Variants in ZDHHC3 observed in about 807,000 individuals in gnomAD.
The protein encoded by ZDHHC3 is palmitoyltransferase ZDHHC3.
A neutral mutation model predicts 30.6 loss-of-function variants in ZDHHC3; 9 were observed. That is an observed-to-expected ratio of 0.29 (90% CI 0.18 to 0.51). ZDHHC3 has a LOEUF of 0.51. Ranked by LOEUF, ZDHHC3 falls within the 20% of genes least tolerant of loss-of-function variation. ZDHHC3 has a pLI of 0.97. For missense variants in ZDHHC3, 246 were observed against 384.2 expected (o/e 0.64, Z 3.01); for synonymous variants, 136 against 140.2 (o/e 0.97, Z 0.21).
chr3:44,956,204 C>G (rs1348953139), intron 2 of ZDHHC3, among the ~76,000 whole-genome samples: 1 of 152,212 alleles, frequency 6.6e-6, no homozygotes, highest in Non-Finnish European at 1.5e-5. Context: ...TCCCCTCTCA[C>G]TGCCCAACAT....
intron 3 of ZDHHC3, among the ~76,000 whole-genome samples, chr3:44,940,717 T>C (rs1295919127): frequency 6.6e-6 from 1 of 152,202 alleles, no homozygotes; most frequent in Non-Finnish European, 1.5e-5. Context: ...TACCATTTTT[T>C]CAGGCCTCAA....
chr3:44,918,972 A>C lies in ZDHHC3; in HGVS notation c.*7717T>G. 1 of 985,586 alleles carries C rather than the reference A, an allele frequency of 1.0e-6. No homozygotes were observed. Among genetic ancestry groups the C allele is most frequent in the Non-Finnish European group, 1.2e-6 (1 of 830,060 alleles). 61.1% of individuals were successfully genotyped at this position (985,586 alleles called of 1,614,324 possible). The stretch of plus-strand genomic sequence containing the variant: ...CTTTCTCCATCTCTTCTGGAAGCCA[A>C]GGGAATTTGCTGTGGGTTTGCTGGG... On this transcript the variant is annotated 3_prime_UTR_variant, in exon 7 of 7. Coordinates refer to ENST00000424952, the MANE Select transcript of ZDHHC3 (RefSeq NM_001135179.2).
intron 1 of ZDHHC3, among the ~76,000 whole-genome samples, chr3:44,962,148 T>A (rs964747951): frequency 2.6e-5 from 4 of 151,930 alleles, no homozygotes; most frequent in Admixed American, 2.6e-4. Context: ...GTACACTCTA[T>A]CAAACTGTTT....
rs149975204 is a variant in ZDHHC3 at position 44,932,347 on chromosome 3, G to A, written c.610+771C>T. ...TTGTGGGAAGAAGTCAGCATGTATA[G>A]GAAGAGCAAAAGTTCTAAAGACAGT... On this transcript the variant is annotated intron_variant, in intron 5 of 6. Transcript: ENST00000424952. Among the ~76,000 whole-genome samples, 527 of 152,256 alleles carry A rather than the reference G, an allele frequency of 3.5e-3. 4 individuals carry two copies. Among genetic ancestry groups the A allele is most frequent in the Middle Eastern group, 0.01 (3 of 294 alleles).
chr3:44,972,441 C>T (rs1705480531), intron 1 of ZDHHC3, among the ~76,000 whole-genome samples: 2 of 152,242 alleles, frequency 1.3e-5, no homozygotes, highest in African/African-American at 2.4e-5. Flanking sequence ...CCAGCCTAGA[C>T]AACAGAGCAA....
At position 44,921,162 on chromosome 3, in the gene ZDHHC3, T is replaced by C. The variant is rs1231307681; in HGVS notation, c.*5527A>G. On this transcript the variant is annotated 3_prime_UTR_variant, in exon 7 of 7. Transcript: ENST00000424952. ...GGCCCAGGTCAGTCTGGGTGACACA[T>C]GAGCTGTGATCTGTGAACAAACTCA... is the stretch of plus-strand genomic sequence containing the variant. 2.0e-6 allele frequency: 2 copies of C among 985,008 alleles called. No homozygotes were observed. The allele number at this position is 985,008 out of a possible 1,614,324, so 61.0% of individuals were successfully genotyped here.
chr3:44,936,880 C>G (rs975992590), intron 3 of ZDHHC3, among the ~76,000 whole-genome samples: 4 of 149,506 alleles, frequency 2.7e-5, no homozygotes, highest in Non-Finnish European at 5.9e-5. Flanking sequence ...TTAAAACCCC[C>G]CCCCAAAACC....
chr3:44,933,785 C>T (rs1011510686), intron 4 of ZDHHC3, 103 bp downstream of exon 4: 3 of 1,037,104 alleles, frequency 2.9e-6, no homozygotes, highest in African/African-American at 3.1e-5. Flanking sequence ...CAGGGCCAGG[C>T]AGTATTCTGA....
intron 1 of ZDHHC3, among the ~76,000 whole-genome samples, chr3:44,961,526 C>T (rs1417204548): frequency 6.6e-6 from 1 of 152,144 alleles, no homozygotes; most frequent in Non-Finnish European, 1.5e-5. Context: ...CCAGAGACAA[C>T]CTAAATGCAT....
intron 2 of ZDHHC3, among the ~76,000 whole-genome samples, chr3:44,957,623 G>A (rs1029083333): frequency 3.9e-5 from 6 of 152,208 alleles, no homozygotes; most frequent in Admixed American, 1.3e-4. Context: ...GCATTCCTAC[G>A]TCTCTGTGCA....
chr3:44,934,341 C>T (rs1701757508), intron 3 of ZDHHC3, among the ~76,000 whole-genome samples: 1 of 151,808 alleles, frequency 6.6e-6, no homozygotes, highest in African/African-American at 2.4e-5. Context: ...AAAACTTGAC[C>T]AAGTGGGCTA....
intron 3 of ZDHHC3, among the ~76,000 whole-genome samples, chr3:44,944,885 C>G (rs1702777444): frequency 6.6e-6 from 1 of 152,192 alleles, no homozygotes; most frequent in Non-Finnish European, 1.5e-5. Flanking sequence ...TATATAAAAA[C>G]AAAGGCCCTG....
In ZDHHC3 at chr3:44,926,519, T is replaced by C; in HGVS notation, c.*170A>G. Reference sequence around the variant, plus strand: ...AAAGGATGGTTTTTAAAAAATAAAATGTGGGGACTTTTTTTTTTCTCTGCA... The same window carrying C: ...AAAGGATGGTTTTTAAAAAATAAAACGTGGGGACTTTTTTTTTTCTCTGCA... On this transcript the variant is annotated 3_prime_UTR_variant, in exon 7 of 7. Transcript: ENST00000424952. 7.8e-7 allele frequency: 1 copy of C among 1,273,962 alleles called. No homozygotes were observed. Among genetic ancestry groups the C allele is most frequent in the Non-Finnish European group, 9.9e-7 (1 of 1,009,520 alleles). 78.9% of individuals were successfully genotyped at this position (1,273,962 alleles called of 1,614,324 possible).
rs963259541 is a variant in ZDHHC3 at position 44,924,352 on chromosome 3, A to C, written c.*2337T>G. ...TCTTGGCAAAATATCAGTCTGAACA[A>C]AAATGAAATAGGAAAAATGCCAGGA... On this transcript the variant is annotated 3_prime_UTR_variant, in exon 7 of 7. Coordinates refer to ENST00000424952, the MANE Select transcript of ZDHHC3 (RefSeq NM_001135179.2). 4 of 985,348 alleles carry C rather than the reference A, an allele frequency of 4.1e-6. No individual in the cohort carries two copies. Among genetic ancestry groups the C allele is most frequent in the Non-Finnish European group, 4.8e-6 (4 of 829,944 alleles). The allele number at this position is 985,348 out of a possible 1,614,324, so 61.0% of individuals were successfully genotyped here.
rs1236957455 is a variant in ZDHHC3, at chr3:44,922,201, C to T, written c.*4488G>A. ...ATTTAAAGAATACAAGAAAAAGCCA[C>T]ATGGGTGTTGAAACCCACACGTAGA... On this transcript the variant is annotated 3_prime_UTR_variant, in exon 7 of 7. Transcript: ENST00000424952. The T allele has an allele frequency of 5.1e-6, 5 of 985,332 alleles. No individual in the cohort carries two copies. The highest frequency in any genetic ancestry group is 6.0e-6 in the Non-Finnish European group (5 of 829,950). The allele number at this position is 985,332 out of a possible 1,614,324, so 61.0% of individuals were successfully genotyped here.
intron 1 of ZDHHC3, among the ~76,000 whole-genome samples, chr3:44,971,617 A>C (rs1248122037): frequency 6.6e-6 from 1 of 152,166 alleles, no homozygotes; most frequent in East Asian, 1.9e-4. Context: ...GTGTGTTTAA[A>C]TATTTCTACA....
chr3:44,947,694 G>A (rs1169525580), intron 2 of ZDHHC3, among the ~76,000 whole-genome samples: 2 of 152,180 alleles, frequency 1.3e-5, no homozygotes, highest in Non-Finnish European at 2.9e-5. Context: ...CAGGGAGTAT[G>A]GCCCTGACTT....
chr3:44,922,306 G>A lies in ZDHHC3; in HGVS notation c.*4383C>T, dbSNP rs751712784. On this transcript the variant is annotated 3_prime_UTR_variant, in exon 7 of 7. Coordinates refer to ENST00000424952, the MANE Select transcript of ZDHHC3 (RefSeq NM_001135179.2). ...GGCTCTAGACTACTCACCGGCCGCC[G>A]CTCCCATCTGGAGGTCCCTTGGTTC... 25 of 985,266 alleles carry A rather than the reference G, an allele frequency of 2.5e-5. No individual in the cohort carries two copies. The highest frequency in any genetic ancestry group is 5.2e-4 in the Middle Eastern group (1 of 1,936). The allele number at this position is 985,266 out of a possible 1,614,324, so 61.0% of individuals were successfully genotyped here.
chr3:44,929,448 G>A lies in ZDHHC3; in HGVS notation c.611-12C>T, dbSNP rs1559658408. 3.7e-6 allele frequency: 6 copies of A among 1,613,622 alleles called. No individual in the cohort carries two copies. The highest frequency in any genetic ancestry group is 5.1e-6 in the Non-Finnish European group (6 of 1,179,746). ...GAAGGAGCTGCACTCTGAAAGAGAA[G>A]CAGCACACAGGGATTGGTACTGTCA... is the stretch of plus-strand genomic sequence containing the variant. On this transcript the variant is annotated splice_polypyrimidine_tract_variant and intron_variant, in intron 5 of 6. Coordinates refer to ENST00000424952, the MANE Select transcript of ZDHHC3 (RefSeq NM_001135179.2).
Sources: allele counts gnomAD v4.1 joint callset (sites outside exome capture counted in the v4.1 genomes callset), GRCh38; gene constraint gnomAD v4.1.1; transcripts MANE v1.5; gene names NCBI Gene and HGNC (gene_info 2026-07-23, HGNC 2026-07-21).